ALS2: variants seen among roughly 807,000 people sequenced by gnomAD.
The protein encoded by ALS2 is alsin Rho guanine nucleotide exchange factor ALS2, also known as alsin.
A neutral mutation model predicts 203.4 loss-of-function variants in ALS2; 117 were observed. The ratio of observed to expected loss-of-function variants is 0.58; its 90% CI spans 0.50 to 0.67. ALS2 has a LOEUF of 0.67. Ranked by LOEUF, ALS2 falls within the 30% of genes least tolerant of loss-of-function variation. ALS2 has a pLI of 0.00. For missense variants in ALS2, 1,715 were observed against 1,989.4 expected (o/e 0.86, Z 2.62); for synonymous variants, 718 against 725.9 (o/e 0.99, Z 0.17).
chr2:201,726,377 A>G, intron 19 of ALS2, 107 bp downstream of exon 19: 1 of 1,054,844 alleles, frequency 9.5e-7, no homozygotes, highest in Non-Finnish European at 1.5e-6. Context: ...AAAAAATAAC[A>G]ACAAAAATCT....
chr2:201,735,935 G>A (rs2106029539), intron 12 of ALS2, among the ~76,000 whole-genome samples: 1 of 152,170 alleles, frequency 6.6e-6, no homozygotes, highest in South Asian at 2.1e-4. Flanking sequence ...AATAACTATT[G>A]AATTTTCTTT....
intron 26 of ALS2, among the ~76,000 whole-genome samples, chr2:201,710,671 C>A (rs1297916099): frequency 2.0e-5 from 3 of 152,148 alleles, no homozygotes; most frequent in Non-Finnish European, 2.9e-5. Flanking sequence ...CAAAGACCCT[C>A]TCCAGGGGTG....
intron 30 of ALS2, 48 bp downstream of exon 30, chr2:201,705,368 C>T (rs1354126350): frequency 1.3e-6 from 2 of 1,575,448 alleles, no homozygotes; most frequent in Non-Finnish European, 1.7e-6. Context: ...TCAAATCCTT[C>T]CCATTAGAGA....
chr2:201,780,063 G>C (rs894949356), intron 1 of ALS2: 1 of 152,218 alleles, frequency 6.6e-6, no homozygotes. Context: ...CTTGGGTACA[G>C]CAGTCAGTTC....
chr2:201,729,305 G>T, intron 13 of ALS2, 122 bp from the exon 14 acceptor site: 1 of 1,111,618 alleles, frequency 9.0e-7, no homozygotes, highest in South Asian at 1.4e-5. Flanking sequence ...CAGCCCACGA[G>T]CATAAGTAGC....
intron 4 of ALS2, chr2:201,759,588 T>C: frequency 1.0e-6 from 1 of 983,442 alleles, no homozygotes; most frequent in Non-Finnish European, 1.2e-6. Flanking sequence ...TCTACATGCA[T>C]TCTTGTTAAA....
intron 25 of ALS2, among the ~76,000 whole-genome samples, chr2:201,712,367 G>T (rs1439766299): frequency 1.3e-5 from 2 of 152,106 alleles, no homozygotes; most frequent in Non-Finnish European, 2.9e-5. Flanking sequence ...TTTATTTAAA[G>T]AATTTGGTAA....
chr2:201,727,114 C>G, intron 17 of ALS2, 98 bp downstream of exon 17: 1 of 1,163,128 alleles, frequency 8.6e-7, no homozygotes, highest in Non-Finnish European at 1.3e-6. Flanking sequence ...AACTGTGCAT[C>G]ATTAGTCAAG....
intron 8 of ALS2, among the ~76,000 whole-genome samples, chr2:201,747,425 G>A (rs1293225536): frequency 6.6e-6 from 1 of 151,602 alleles, no homozygotes; most frequent in Non-Finnish European, 1.5e-5. Flanking sequence ...AGCTACTGGG[G>A]GAAGGGGAAT....
intron 25 of ALS2, among the ~76,000 whole-genome samples, chr2:201,714,830 T>C (rs1256545836): frequency 1.3e-5 from 2 of 152,222 alleles, no homozygotes; most frequent in East Asian, 1.9e-4. Context: ...TTCATACATG[T>C]GCAGGTCTAG....
chr2:201,754,816 G>A, intron 5 of ALS2, 145 bp from the exon 6 acceptor site: 8 of 831,856 alleles, frequency 9.6e-6, no homozygotes, highest in Non-Finnish European at 1.5e-5. Flanking sequence ...GTAGAAAAGG[G>A]GACCTGTTAG....
chr2:201,758,988 T>G (rs978026224), intron 4 of ALS2, among the ~76,000 whole-genome samples: 1 of 152,160 alleles, frequency 6.6e-6, no homozygotes, highest in Non-Finnish European at 1.5e-5. Flanking sequence ...ACAAAGCCTA[T>G]TACTTCTTTG....
chr2:201,746,190 C>T (rs1434279546), intron 9 of ALS2, among the ~76,000 whole-genome samples: 1 of 152,152 alleles, frequency 6.6e-6, no homozygotes, highest in African/African-American at 2.4e-5. Flanking sequence ...AATATTCCTA[C>T]ATGAGGGTGT....
rs201920363 is a variant in ALS2 at position 201,725,394 on chromosome 2, A to G, written c.3309T>C (p.His1103=). 4.4e-4 allele frequency: 710 copies of G among 1,614,044 alleles called. No individual in the cohort carries two copies. The African/African-American group carries it at 5.2e-3, about 12-fold the overall frequency. ...AMNKEDHYVG[H]WKEGKMCGQG... Reference sequence around the variant, plus strand: ...GACCGCACATTTTTCCTTCTTTCCAATGGCCCACATAATGGTCTTCTTTGT... The same window carrying G: ...GACCGCACATTTTTCCTTCTTTCCAGTGGCCCACATAATGGTCTTCTTTGT... Residue 1103 remains histidine, a synonymous_variant, in exon 20 of 34, where the codon CAT becomes CAC. Coordinates refer to ENST00000264276, the MANE Select transcript of ALS2 (RefSeq NM_020919.4).
chr2:201,718,108 A>G lies in ALS2; in HGVS notation c.3805T>C (p.Tyr1269His). The change falls in exon 24 of 34, where the codon TAT becomes CAT. Residue 1269 changes from tyrosine (Y) to histidine (H), a missense_variant. Tyr to His is a moderately conservative substitution (Grantham distance 83). Coordinates refer to ENST00000264276, the MANE Select transcript of ALS2 (RefSeq NM_020919.4). ...TTAGGTCTGTCTTTATCACTCTCAT[A>G]TAGACTAGGTTTGAAGTAGGTTCCA... ...ITGTYFKPSL[Y>H]ESDKDRPKVF... The G allele has an allele frequency of 2.5e-6, 4 of 1,613,616 alleles. No homozygotes were observed. In the East Asian group the frequency reaches 8.9e-5, roughly 36 times the overall value.
chr2:201,707,711 G>C (rs1689810313), intron 28 of ALS2, among the ~76,000 whole-genome samples, 158 bp downstream of exon 28: 1 of 152,104 alleles, frequency 6.6e-6, no homozygotes. Flanking sequence ...TTACAGGTGT[G>C]AGCCACTGTG....
chr2:201,726,356 T>C lies in ALS2; in HGVS notation c.3248+128A>G, dbSNP rs1408594697. The C allele has an allele frequency of 4.7e-6, 4 of 854,762 alleles. No individual in the cohort carries two copies. In the African/African-American group the frequency reaches 5.0e-5, roughly 11 times the overall value. 52.9% of individuals were successfully genotyped at this position (854,762 alleles called of 1,614,324 possible). On this transcript the variant is annotated intron_variant, in intron 19 of 33. Coordinates refer to ENST00000264276, the MANE Select transcript of ALS2 (RefSeq NM_020919.4). Reference sequence around the variant, plus strand: ...TCCTGGCTCTCTTCATGCTCATACATGTGCATTTCTAAAAAATAACAACAA... The same window carrying C: ...TCCTGGCTCTCTTCATGCTCATACACGTGCATTTCTAAAAAATAACAACAA...
intron 1 of ALS2, among the ~76,000 whole-genome samples, chr2:201,779,394 T>C (rs1280072268): frequency 6.6e-6 from 1 of 152,244 alleles, no homozygotes; most frequent in Non-Finnish European, 1.5e-5. Context: ...GGTCATAGTT[T>C]AGAAACTAAT....
intron 12 of ALS2, 167 bp downstream of exon 12, chr2:201,738,503 A>G (rs1001195009): frequency 1.7e-5 from 11 of 663,158 alleles, no homozygotes; most frequent in Non-Finnish European, 3.0e-5. Flanking sequence ...AATGATAACC[A>G]GTGGCTAATA....
Sources: gnomAD v4.1 joint callset for allele counts (sites outside exome capture counted in the v4.1 genomes callset) on GRCh38, gnomAD v4.1.1 for gene constraint, MANE v1.5 for transcripts, NCBI Gene and HGNC (gene_info 2026-07-23, HGNC 2026-07-21) for gene names.